RIMS2: variants seen among roughly 807,000 people sequenced by gnomAD.
RIMS2 encodes regulating synaptic membrane exocytosis 2, also known as regulating synaptic membrane exocytosis protein 2.
Under a neutral mutation model 174.4 loss-of-function variants are expected in RIMS2, and 59 were observed. The observed-to-expected ratio is 0.34, with a 90% CI of 0.27 to 0.42. The LOEUF (loss-of-function observed/expected upper bound fraction) is 0.42. Among genes scored for constraint, RIMS2 ranks in the 10% least tolerant of loss-of-function variants. The probability of loss-of-function intolerance (pLI) is 1.00; values close to 1 mark genes in which losing one functional copy is unlikely to be tolerated. For synonymous variants in RIMS2, 606 were observed against 572.5 expected, an observed-to-expected ratio of 1.06 and a Z score of -0.84; for missense variants, 1,620 against 1,666.3, an observed-to-expected ratio of 0.97 and a Z score of 0.48.
At chr8:103,932,235 A>T (rs2154531915) in intron 12 of RIMS2, among the ~76,000 whole-genome samples, 1 of 152,266 alleles carries the variant, frequency 6.6e-6, no homozygotes, top group South Asian at 2.1e-4. Context: ...GTGATGTTAA[A>T]TATGTTTATA....
chr8:103,849,557 T>C (rs2098986228), intron 3 of RIMS2, among the ~76,000 whole-genome samples: 1 of 152,002 alleles, frequency 6.6e-6, no homozygotes, highest in Non-Finnish European at 1.5e-5. Context: ...TTTTTTCCTT[T>C]GAAGCAAGGG....
chr8:103,834,332 C>CTTTTTTTTTTTTTTTTT (rs397892077), intron 3 of RIMS2, among the ~76,000 whole-genome samples: 1 of 119,288 alleles, frequency 8.4e-6, no homozygotes, highest in Admixed American at 9.3e-5. Flanking sequence ...TTTTCTTTTT[C>CTTTTTTTTTTTTTTTTT]TTTTTTTTTT....
At chr8:104,075,611 C>T (rs1346521479) in intron 19 of RIMS2, among the ~76,000 whole-genome samples, 3 of 152,108 alleles carry the variant, frequency 2.0e-5, no homozygotes, top group Non-Finnish European at 4.4e-5. Context: ...TCTATAAACG[C>T]TTATTTTACT....
In RIMS2 at chr8:103,998,216, A is replaced by G. The variant is rs375700279; in HGVS notation, c.3044+8795A>G. 2.5e-6 allele frequency: 4 copies of G among 1,610,404 alleles called. No homozygotes were observed. In the Admixed American group the frequency reaches 5.0e-5, roughly 20 times the overall value. On this transcript the variant is annotated intron_variant, in intron 17 of 23. Transcript: ENST00000504942. ...TCTTACTCTACCTCGCTCCAGATAC[A>G]GTCAGACCATTGACCATCATCACAG...
intron 1 of RIMS2, among the ~76,000 whole-genome samples, chr8:103,625,243 A>G (rs1268911244): frequency 6.6e-6 from 1 of 151,990 alleles, no homozygotes; most frequent in East Asian, 1.9e-4. Flanking sequence ...ATTGTCCATC[A>G]ATAACATTTT....
chr8:103,812,622 T>A (rs1295497045), intron 3 of RIMS2, among the ~76,000 whole-genome samples: 1 of 152,210 alleles, frequency 6.6e-6, no homozygotes, highest in East Asian at 1.9e-4. Context: ...CCTCAGGTGA[T>A]CTGCCTGCCT....
At chr8:104,209,073 T>C (rs1325219228) in intron 19 of RIMS2, among the ~76,000 whole-genome samples, 1 of 152,208 alleles carries the variant, frequency 6.6e-6, no homozygotes, top group Non-Finnish European at 1.5e-5. Context: ...ATAATCAGGA[T>C]TACTGTCTGT....
intron 14 of RIMS2, among the ~76,000 whole-genome samples, chr8:103,957,787 C>A (rs1595819186): frequency 6.6e-6 from 1 of 152,062 alleles, no homozygotes; most frequent in African/African-American, 2.4e-5. Context: ...ATGCGGCCAA[C>A]AAGCATATAA....
intron 1 of RIMS2, among the ~76,000 whole-genome samples, chr8:103,513,470 A>G (rs1272138042): frequency 2.0e-5 from 3 of 152,224 alleles, no homozygotes; most frequent in Non-Finnish European, 4.4e-5. Context: ...TGTATATACT[A>G]TAAGATATGT....
At chr8:103,767,407 C>A (rs985082062) in intron 3 of RIMS2, among the ~76,000 whole-genome samples, 1 of 152,052 alleles carries the variant, frequency 6.6e-6, no homozygotes, top group Non-Finnish European at 1.5e-5. Context: ...AGTATGGTCT[C>A]AATCTCATGA....
chr8:103,636,329 G>T (rs1281037414), intron 1 of RIMS2, among the ~76,000 whole-genome samples: 1 of 152,148 alleles, frequency 6.6e-6, no homozygotes, highest in African/African-American at 2.4e-5. Flanking sequence ...AGCTACTTTT[G>T]TCAGAAATTG....
intron 19 of RIMS2, among the ~76,000 whole-genome samples, chr8:104,208,178 C>A (rs1307060129): frequency 1.3e-5 from 2 of 152,146 alleles, no homozygotes; most frequent in African/African-American, 4.8e-5. Flanking sequence ...TAGTACATTT[C>A]ATGAGACCTT....
At chr8:103,988,974 CTT>C (rs1254796153) in intron 16 of RIMS2, among the ~76,000 whole-genome samples, 1 of 152,156 alleles carries the variant, frequency 6.6e-6, no homozygotes, top group African/African-American at 2.4e-5. Context: ...ATCTTCTCCT[CTT>C]GAGTATATTA....
Position 103,571,433 on chromosome 8 carries a change from T to C in RIMS2, c.176+70371T>C, listed in dbSNP as rs141207940. On this transcript the variant is annotated intron_variant, in intron 1 of 23. Transcript: ENST00000504942. ...TGTTAATGGAGATGGAATATTAACTTATCAACTAGGAGTATAGAATAAAGC... is the reference window on the plus strand; with the variant it reads ...TGTTAATGGAGATGGAATATTAACTCATCAACTAGGAGTATAGAATAAAGC... 2.3e-3 allele frequency among the ~76,000 whole-genome samples: 356 copies of C among 152,324 alleles called. 2 individuals are homozygous for C. The highest frequency in any genetic ancestry group is 8.1e-3 in the African/African-American group (338 of 41,580).
chr8:103,830,729 TTTA>T (rs1021982720), intron 3 of RIMS2, among the ~76,000 whole-genome samples: 2 of 152,340 alleles, frequency 1.3e-5, no homozygotes, highest in Admixed American at 1.3e-4. Context: ...GATTATAGAA[TTTA>T]TTGTCTTTTT....
rs76225473 is a variant in RIMS2 at position 103,659,439 on chromosome 8, G to T, written c.177-37647G>T. On this transcript the variant is annotated intron_variant, in intron 1 of 23. Transcript: ENST00000504942. ...GTCTGTTGGCAACACCAGCTGCACT[G>T]CTCAGGGCCCCAGGAAGAAGGTAGT... Among the ~76,000 whole-genome samples, 259 of 152,284 alleles carry T rather than the reference G, an allele frequency of 1.7e-3. 2 individuals are homozygous for T. The highest frequency in any genetic ancestry group is 8.3e-3 in the East Asian group (43 of 5,176).
chr8:103,986,039 G>C (rs187027897), intron 16 of RIMS2, among the ~76,000 whole-genome samples: 1 of 152,194 alleles, frequency 6.6e-6, no homozygotes, highest in African/African-American at 2.4e-5. Flanking sequence ...GTATATAATG[G>C]CAACTATAGT....
chr8:103,881,893 T>C (rs1250612598), intron 3 of RIMS2, among the ~76,000 whole-genome samples: 1 of 151,442 alleles, frequency 6.6e-6, no homozygotes, highest in East Asian at 1.9e-4. Context: ...AATATAAATA[T>C]ATACTGATAT....
intron 1 of RIMS2, among the ~76,000 whole-genome samples, chr8:103,581,769 C>G (rs1008769958): frequency 1.3e-5 from 2 of 152,276 alleles, no homozygotes; most frequent in South Asian, 2.1e-4. Context: ...AAGCCTCCAC[C>G]AATCATCTCC....
Sources: allele counts gnomAD v4.1 joint callset (sites outside exome capture counted in the v4.1 genomes callset), GRCh38; gene constraint gnomAD v4.1.1; transcripts MANE v1.5; gene names NCBI Gene and HGNC (gene_info 2026-07-23, HGNC 2026-07-21).